Variants in USP39 observed in about 807,000 individuals in gnomAD.
The protein encoded by USP39 is ubiquitin specific peptidase 39, also known as ubiquitin carboxyl-terminal hydrolase 39.
Under a neutral mutation model 66.4 loss-of-function variants are expected in USP39, and 38 were observed. The ratio of observed to expected loss-of-function variants is 0.57; its 90% confidence interval spans 0.44 to 0.75. USP39 has a LOEUF of 0.75. USP39 is among the 30% of genes least tolerant of loss of function. The pLI, the probability that USP39 is intolerant of heterozygous loss-of-function variation, is 0.00. For synonymous variants in USP39, 303 were observed against 274.6 expected, an observed-to-expected ratio of 1.10 and a Z score of -1.02; for missense variants, 608 against 714.4, an observed-to-expected ratio of 0.85 and a Z score of 1.70.
At chr2:85,612,188 C>A (rs560456073), upstream of USP39, 1 of 1,001,302 alleles carries the variant, frequency 1.0e-6, no homozygotes, top group Non-Finnish European at 1.4e-6. Context: ...GCTTGACTTC[C>A]ACCCCCCGGA....
intron 11 of USP39, 193 bp downstream of exon 11, chr2:85,645,276 GCT>G: frequency 3.7e-6 from 2 of 543,100 alleles, no homozygotes; most frequent in Non-Finnish European, 6.1e-6. Context: ...CACCTTGGGA[GCT>G]TTTTTTTTTT....
chr2:85,636,429 A>C (rs1422619523), intron 7 of USP39, among the ~76,000 whole-genome samples: 1 of 152,170 alleles, frequency 6.6e-6, no homozygotes, highest in African/African-American at 2.4e-5. Flanking sequence ...TCTATGTTAT[A>C]GATAAACTAC....
At chr2:85,639,144 G>A (rs983203556) in intron 8 of USP39, 59 bp from the exon 9 acceptor site, 13 of 1,512,660 alleles carry the variant, frequency 8.6e-6, no homozygotes, top group South Asian at 1.3e-5. Flanking sequence ...CATCGGTTCT[G>A]TGTTGGTTCC....
chr2:85,622,052 G>A (rs1008882788), intron 3 of USP39, among the ~76,000 whole-genome samples: 24 of 151,654 alleles, frequency 1.6e-4, no homozygotes, highest in African/African-American at 5.3e-4. Flanking sequence ...ACTCCTGGCC[G>A]CAGGTGATCC....
intron 6 of USP39, among the ~76,000 whole-genome samples, chr2:85,633,173 T>G (rs1047083485): frequency 5.9e-5 from 9 of 151,984 alleles, no homozygotes; most frequent in African/African-American, 1.7e-4. Context: ...CAAGCTGGAG[T>G]GCAGTGGTGT....
rs1394847159 is a variant in USP39, at chr2:85,648,742, G to A, written c.1651-19G>A. On this transcript the variant is annotated intron_variant, in intron 12 of 12. Coordinates refer to ENST00000323701, the MANE Select transcript of USP39 (RefSeq NM_006590.4). ...CTGAATGCCTCCTAGACTTCAGTTTGTGTTTTCATTTCTTACAGATTTGGA... is the reference window on the plus strand; with the variant it reads ...CTGAATGCCTCCTAGACTTCAGTTTATGTTTTCATTTCTTACAGATTTGGA... The A allele has an allele frequency of 1.9e-6, 3 of 1,613,982 alleles. No homozygotes were observed. Among genetic ancestry groups the A allele is most frequent in the South Asian group, 2.2e-5 (2 of 91,078 alleles).
intron 12 of USP39, 66 bp downstream of exon 12, chr2:85,648,082 C>T: frequency 6.4e-7 from 1 of 1,553,632 alleles, no homozygotes; most frequent in African/African-American, 1.4e-5. Context: ...GAGGAGTGGG[C>T]CAAGGCAGGA....
chr2:85,628,367 G>C (rs1484940493), intron 5 of USP39, among the ~76,000 whole-genome samples: 2 of 151,960 alleles, frequency 1.3e-5, no homozygotes, highest in East Asian at 1.9e-4. Context: ...GGATGGTCTC[G>C]ATCTCCTGAC....
At position 85,639,283 on chromosome 2, in the gene USP39, G is replaced by C; in HGVS notation, c.1176G>C (p.Thr392=). ...TGGAGTCCACTTTTATGTACCTGACGCTGGACCTTCCTACTGCCCCCCTCT... is the reference window on the plus strand; with the variant it reads ...TGGAGTCCACTTTTATGTACCTGACCCTGGACCTTCCTACTGCCCCCCTCT... ...TMVESTFMYL[T]LDLPTAPLYK... The change falls in exon 9 of 13, where the codon ACG becomes ACC. Residue 392 remains threonine (T), a synonymous_variant. Coordinates refer to ENST00000323701, the MANE Select transcript of USP39 (RefSeq NM_006590.4). 6.2e-7 allele frequency: 1 copy of C among 1,613,856 alleles called. No individual in the cohort carries two copies. Among genetic ancestry groups the C allele is most frequent in the Non-Finnish European group, 8.5e-7 (1 of 1,179,994 alleles).
upstream of USP39, chr2:85,611,845 T>G (rs762366488): frequency 1.0e-5 from 16 of 1,597,930 alleles, no homozygotes; most frequent in African/African-American, 2.2e-4. Flanking sequence ...AGGCCAGGAG[T>G]GGTGGCGGCG....
At chr2:85,631,095 A>G (rs1573421759) in intron 6 of USP39, 149 bp downstream of exon 6, 4 of 727,184 alleles carry the variant, frequency 5.5e-6, no homozygotes, top group Admixed American at 2.8e-5. Flanking sequence ...GCTCACTGCA[A>G]CCTCCACTTC....
chr2:85,625,403 A>G lies in USP39; in HGVS notation c.571-136A>G, dbSNP rs886247404. ...CCGTGTTACTTCAATCTTTACACCT[A>G]CTGGTTCGGACTATTTTTCTGTGTG... On this transcript the variant is annotated intron_variant, in intron 4 of 12. Transcript: ENST00000323701. 5 of 1,074,134 alleles carry G rather than the reference A, an allele frequency of 4.7e-6. No individual in the cohort carries two copies. In the African/African-American group the frequency reaches 6.5e-5, roughly 14 times the overall value. 66.5% of individuals were successfully genotyped at this position (1,074,134 alleles called of 1,614,324 possible).
chr2:85,619,875 A>G (rs1394751499), intron 2 of USP39, among the ~76,000 whole-genome samples: 2 of 150,554 alleles, frequency 1.3e-5, no homozygotes, highest in Non-Finnish European at 3.0e-5. Flanking sequence ...TTTTTTTGAG[A>G]TGGAGTTTCA....
chr2:85,604,115 A>G (rs1673121867), intron 1 of USP39, among the ~76,000 whole-genome samples: 1 of 152,202 alleles, frequency 6.6e-6, no homozygotes. Context: ...CCTGTGCTTT[A>G]GAGAAGTAGA....
chr2:85,621,568 A>G lies in USP39; in HGVS notation c.422A>G (p.Lys141Arg). 3 of 1,613,442 alleles carry G rather than the reference A, an allele frequency of 1.9e-6. No individual in the cohort carries two copies. Among genetic ancestry groups the G allele is most frequent in the East Asian group, 2.2e-5 (1 of 44,862 alleles). ...INAYACLVCG[K>R]YFQGRGLKSH... ...GCTTATGCCTGTCTGGTGTGTGGCA[A>G]GTACTTTCAAGGTAAATAAGTTGTT... The change falls in exon 3 of 13, where the codon AAG (lysine) becomes AGG (arginine). Residue 141 changes from lysine to arginine, a missense_variant. By Grantham distance (26) the Lys-to-Arg change is conservative. This residue lies in a region of USP39 where 115 missense variants were observed against 198.6 expected (regional missense o/e 0.58). Transcript: ENST00000323701.
chr2:85,639,007 A>G (rs1354230347), intron 8 of USP39, among the ~76,000 whole-genome samples, 196 bp from the exon 9 acceptor site: 1 of 152,094 alleles, frequency 6.6e-6, no homozygotes, highest in Admixed American at 6.6e-5. Flanking sequence ...TATAAGCAAA[A>G]TATCTTTAAA....
intron 9 of USP39, among the ~76,000 whole-genome samples, chr2:85,640,457 G>A (rs1475650215): frequency 6.6e-6 from 1 of 151,274 alleles, no homozygotes; most frequent in African/African-American, 2.4e-5. Flanking sequence ...CCCAGCTAAT[G>A]TTTGTATTTT....
At chr2:85,632,987 A>G (rs185517967) in intron 6 of USP39, among the ~76,000 whole-genome samples, 4 of 152,266 alleles carry the variant, frequency 2.6e-5, no homozygotes, top group Admixed American at 2.6e-4. Flanking sequence ...AGAGACTGCA[A>G]GTAGCTGGAC....
chr2:85,647,924 C>G lies in USP39; in HGVS notation c.1564-6C>G, dbSNP rs370136654. ...AGACTAACCCAGCTCTTCATACTTTCTGCAGGGGACAGGCAAATGGTATGA... is the reference window on the plus strand; with the variant it reads ...AGACTAACCCAGCTCTTCATACTTTGTGCAGGGGACAGGCAAATGGTATGA... On this transcript the variant is annotated splice_polypyrimidine_tract_variant and splice_region_variant and intron_variant, in intron 11 of 12. Coordinates refer to ENST00000323701, the MANE Select transcript of USP39 (RefSeq NM_006590.4). The G allele has an allele frequency of 5.0e-6, 8 of 1,613,934 alleles. No homozygotes were observed. Among genetic ancestry groups the G allele is most frequent in the Middle Eastern group, 1.6e-4 (1 of 6,084 alleles).
Sources: allele counts gnomAD v4.1 joint callset (sites outside exome capture counted in the v4.1 genomes callset), GRCh38; gene constraint gnomAD v4.1.1; regional missense constraint gnomAD v4.1.1; transcripts MANE v1.5; gene names NCBI Gene and HGNC (gene_info 2026-07-23, HGNC 2026-07-21).